The following LIMCH1 variants were observed in gnomAD, a reference collection of about 807,000 sequenced individuals.
LIMCH1 encodes LIM and calponin homology domains 1.
In LIMCH1, 113 loss-of-function variants were observed where a neutral mutation model predicts 176.5. That is an observed-to-expected ratio of 0.64 (90% CI 0.55 to 0.75). The LOEUF (loss-of-function observed/expected upper bound fraction) is 0.75. LIMCH1 is among the 30% of genes least tolerant of loss of function. The pLI is 0.00. For synonymous variants in LIMCH1, 619 were observed against 645.9 expected (o/e 0.96, Z 0.63); for missense variants, 1,674 against 1,814.9 (o/e 0.92, Z 1.41).
chr4:41,666,281 A>G (rs1353589225), intron 20 of LIMCH1, among the ~76,000 whole-genome samples: 1 of 152,224 alleles, frequency 6.6e-6, no homozygotes, highest in Non-Finnish European at 1.5e-5. Context: ...AGAGTAATGT[A>G]TAATTCCAAA....
chr4:41,652,673 CATG>C (rs1360074989), intron 18 of LIMCH1, among the ~76,000 whole-genome samples: 1 of 152,158 alleles, frequency 6.6e-6, no homozygotes, highest in Non-Finnish European at 1.5e-5. Context: ...TGCCATTTTT[CATG>C]ATGATCGTTT....
At chr4:41,470,632 C>G (rs775118131) in intron 1 of LIMCH1, among the ~76,000 whole-genome samples, 1 of 152,172 alleles carries the variant, frequency 6.6e-6, no homozygotes, top group South Asian at 2.1e-4. Flanking sequence ...TTCTATTGCC[C>G]CAGATCCAAC....
At chr4:41,524,263 A>G in intron 2 of LIMCH1, 1 of 683,214 alleles carries the variant, frequency 1.5e-6, no homozygotes. Flanking sequence ...ATATGCATGA[A>G]GGCTGATAGA....
At chr4:41,501,838 C>G (rs1334798928) in intron 2 of LIMCH1, among the ~76,000 whole-genome samples, 1 of 140,678 alleles carries the variant, frequency 7.1e-6, no homozygotes, top group African/African-American at 2.6e-5. Flanking sequence ...TTTTCACTCT[C>G]ATCTCCCGGT....
intron 9 of LIMCH1, among the ~76,000 whole-genome samples, chr4:41,630,135 A>T (rs2093235867): frequency 6.6e-6 from 1 of 151,996 alleles, no homozygotes; most frequent in South Asian, 2.1e-4. Context: ...TAATTTTTTT[A>T]AATAGAGATG....
chr4:41,592,599 T>C (rs1309925325), intron 1 of LIMCH1, among the ~76,000 whole-genome samples: 1 of 152,198 alleles, frequency 6.6e-6, no homozygotes, highest in East Asian at 1.9e-4. Flanking sequence ...TGAACAAGAA[T>C]GTCTTAATAA....
At chr4:41,445,250 T>C (rs6821189) in intron 1 of LIMCH1, among the ~76,000 whole-genome samples, 43,424 of 152,058 alleles carry the variant, frequency 0.29, 8,963 homozygotes, top group African/African-American at 0.58. Flanking sequence ...GTGATCCACC[T>C]GCCTCAGCCT....
At chr4:41,550,575 G>A (rs1190710516) in intron 1 of LIMCH1, among the ~76,000 whole-genome samples, 2 of 152,024 alleles carry the variant, frequency 1.3e-5, no homozygotes, top group Non-Finnish European at 2.9e-5. Context: ...AAGTGCCATG[G>A]CAACAAAAAA....
chr4:41,446,364 A>C (rs898091648), intron 1 of LIMCH1, among the ~76,000 whole-genome samples: 1 of 152,232 alleles, frequency 6.6e-6, no homozygotes, highest in African/African-American at 2.4e-5. Flanking sequence ...TGTTTGTTAA[A>C]ATAGATCAAA....
intron 1 of LIMCH1, among the ~76,000 whole-genome samples, chr4:41,559,323 G>A (rs529899842): frequency 6.6e-6 from 1 of 152,076 alleles, no homozygotes; most frequent in Non-Finnish European, 1.5e-5. Context: ...TCCCAAAGTT[G>A]TAAAGGAAGA....
intron 7 of LIMCH1, among the ~76,000 whole-genome samples, chr4:41,622,196 A>G (rs1190728872): frequency 1.3e-5 from 2 of 152,176 alleles, no homozygotes; most frequent in African/African-American, 4.8e-5. Context: ...GACCTTATCA[A>G]ACACATTTTT....
At chr4:41,451,780 C>T (rs549918999) in intron 1 of LIMCH1, among the ~76,000 whole-genome samples, 7 of 152,348 alleles carry the variant, frequency 4.6e-5, no homozygotes, top group East Asian at 3.9e-4. Flanking sequence ...CCTCTACCTT[C>T]GGGGTAGCAC....
At chr4:41,599,115 A>T in intron 2 of LIMCH1, 89 bp downstream of exon 2, 1 of 745,544 alleles carries the variant, frequency 1.3e-6, no homozygotes, top group Non-Finnish European at 2.3e-6. Flanking sequence ...TAAGAGACAG[A>T]GAATTGGTTA....
intron 2 of LIMCH1, among the ~76,000 whole-genome samples, chr4:41,514,147 G>T (rs533770628): frequency 6.7e-6 from 1 of 149,552 alleles, no homozygotes; most frequent in South Asian, 2.1e-4. Context: ...TTATAATGTT[G>T]CTCATTTCAT....
At chr4:41,508,598 G>T (rs1561582772) in intron 2 of LIMCH1, among the ~76,000 whole-genome samples, 1 of 152,184 alleles carries the variant, frequency 6.6e-6, no homozygotes, top group Non-Finnish European at 1.5e-5. Context: ...CATTAGGAAA[G>T]AGCCGCAGAA....
chr4:41,578,326 G>A (rs1012642669), intron 1 of LIMCH1, among the ~76,000 whole-genome samples: 1 of 152,158 alleles, frequency 6.6e-6, no homozygotes, highest in Non-Finnish European at 1.5e-5. Context: ...CATGAGAACA[G>A]CGTAGAGGAA....
At position 41,372,450 on chromosome 4, in the gene LIMCH1, A is replaced by C. The variant is rs117289680; in HGVS notation, c.96+11514A>C. Among the ~76,000 whole-genome samples the C allele has an allele frequency of 4.7e-4, 71 of 152,256 alleles. No homozygotes were observed. The East Asian group carries it at 0.014, about 29-fold the overall frequency. ...GGGACATTATTCATACATTTACAGG[A>C]ATATGGATACTGTTTTATGGTAGAA... On this transcript the variant is annotated intron_variant, in intron 1 of 26. Transcript: ENST00000313860.
intron 2 of LIMCH1, among the ~76,000 whole-genome samples, chr4:41,602,256 C>T (rs1448783985): frequency 6.6e-6 from 1 of 151,836 alleles, no homozygotes; most frequent in Non-Finnish European, 1.5e-5. Context: ...TCTAGACAGG[C>T]ACACAGCAAG....
chr4:41,679,836 G>C (rs530145471), intron 23 of LIMCH1, among the ~76,000 whole-genome samples, 170 bp from the exon 24 acceptor site: 1 of 152,294 alleles, frequency 6.6e-6, no homozygotes, highest in South Asian at 2.1e-4. Context: ...CAAAATGTTT[G>C]AGTGCCACAA....
Sources: allele counts gnomAD v4.1 joint callset (sites outside exome capture counted in the v4.1 genomes callset), GRCh38; gene constraint gnomAD v4.1.1; transcripts MANE v1.5; gene names NCBI Gene and HGNC (gene_info 2026-07-23, HGNC 2026-07-21).